Variants in OPCML observed in about 807,000 individuals in gnomAD.
OPCML encodes the protein opioid binding protein/cell adhesion molecule like.
A neutral mutation model predicts 37.8 loss-of-function variants in OPCML; 13 were observed. The ratio of observed to expected loss-of-function variants is 0.34; its 90% confidence interval spans 0.22 to 0.55. OPCML has a LOEUF of 0.55. Among genes scored for constraint, OPCML ranks in the 20% least tolerant of loss-of-function variants. The pLI is 0.91. For synonymous variants in OPCML, 176 were observed against 168.8 expected (o/e 1.04, Z -0.33); for missense variants, 341 against 435.6 (o/e 0.78, Z 1.93).
chr11:132,576,357 C>T (rs944638231), intron 3 of OPCML, among the ~76,000 whole-genome samples: 3 of 151,656 alleles, frequency 2.0e-5, no homozygotes, highest in Non-Finnish European at 4.4e-5. Flanking sequence ...TGAGTCATTT[C>T]CAATGACTTG....
At chr11:133,237,940 T>C (rs1175591384) in intron 1 of OPCML, among the ~76,000 whole-genome samples, 1 of 152,236 alleles carries the variant, frequency 6.6e-6, no homozygotes, top group Non-Finnish European at 1.5e-5. Flanking sequence ...CTTTATTGCG[T>C]TATTATTACA....
intron 1 of OPCML, among the ~76,000 whole-genome samples, chr11:133,504,680 G>C (rs1311185838): frequency 6.6e-6 from 1 of 152,196 alleles, no homozygotes; most frequent in Non-Finnish European, 1.5e-5. Flanking sequence ...GCCGTCAAAT[G>C]GGACTGGGTG....
At chr11:132,684,299 G>A (rs1433319888) in intron 2 of OPCML, among the ~76,000 whole-genome samples, 4 of 152,096 alleles carry the variant, frequency 2.6e-5, no homozygotes, top group Non-Finnish European at 4.4e-5. Flanking sequence ...CTTTGAGATA[G>A]GCAACTTTAT....
chr11:132,682,965 A>C (rs192295370), intron 2 of OPCML, among the ~76,000 whole-genome samples: 19 of 152,360 alleles, frequency 1.2e-4, no homozygotes, highest in African/African-American at 4.6e-4. Context: ...AATGTATTCA[A>C]GGCCAGTCAG....
chr11:132,744,438 C>T (rs150672733), intron 2 of OPCML, among the ~76,000 whole-genome samples: 17 of 152,308 alleles, frequency 1.1e-4, no homozygotes, highest in Non-Finnish European at 1.5e-4. Flanking sequence ...TTCAACTCAG[C>T]GCTTTCCTGA....
intron 2 of OPCML, among the ~76,000 whole-genome samples, chr11:132,899,090 T>C (rs1377610061): frequency 6.6e-6 from 1 of 152,088 alleles, no homozygotes; most frequent in Non-Finnish European, 1.5e-5. Context: ...ATGACCCAGA[T>C]TCCTCAGGAA....
At chr11:133,186,868 A>G (rs1429797625) in intron 1 of OPCML, among the ~76,000 whole-genome samples, 1 of 152,126 alleles carries the variant, frequency 6.6e-6, no homozygotes, top group Non-Finnish European at 1.5e-5. Context: ...CTGAGGCTGG[A>G]GGGAGTTAGA....
intron 1 of OPCML, among the ~76,000 whole-genome samples, chr11:133,381,266 G>A (rs547814691): frequency 2.0e-4 from 31 of 152,216 alleles, no homozygotes; most frequent in African/African-American, 4.6e-4. Flanking sequence ...AAACTGGCAG[G>A]GACACTGAGA....
chr11:132,545,053 T>C (rs2096365797), intron 3 of OPCML, among the ~76,000 whole-genome samples: 1 of 152,174 alleles, frequency 6.6e-6, no homozygotes, highest in Non-Finnish European at 1.5e-5. Context: ...CATTAAACAT[T>C]GTCTATTTTT....
intron 2 of OPCML, among the ~76,000 whole-genome samples, chr11:132,681,754 G>T (rs1942953293): frequency 6.6e-6 from 1 of 152,054 alleles, no homozygotes; most frequent in South Asian, 2.1e-4. Flanking sequence ...AGGAGATCGA[G>T]ACCATCCTGG....
chr11:133,472,971 C>A (rs1947150719), intron 1 of OPCML, among the ~76,000 whole-genome samples: 2 of 151,828 alleles, frequency 1.3e-5, no homozygotes, highest in African/African-American at 2.4e-5. Flanking sequence ...CACAGCTAAC[C>A]CAAAGGACAA....
Position 133,532,251 on chromosome 11 carries a change from C to A in OPCML, c.61+13G>T. On this transcript the variant is annotated intron_variant, in intron 1 of 7. Transcript: ENST00000524381. ...ACCCCAGGGAGAGAAAACACCCTTC[C>A]CCTGTACGGTACCTGGGATGAAGAG... 1 of 1,613,538 alleles carries A rather than the reference C, an allele frequency of 6.2e-7. No homozygotes were observed. The highest frequency in any genetic ancestry group is 8.5e-7 in the Non-Finnish European group (1 of 1,179,772).
chr11:133,477,649 A>G (rs994710886), intron 1 of OPCML, among the ~76,000 whole-genome samples: 2 of 152,188 alleles, frequency 1.3e-5, no homozygotes, highest in Admixed American at 1.3e-4. Flanking sequence ...GGGACCTGGG[A>G]TGTCCTTGGC....
rs180700926 is a variant in OPCML at position 133,084,873 on chromosome 11, T to A, written c.62-141863A>T. 2.6e-5 allele frequency among the ~76,000 whole-genome samples: 4 copies of A among 152,320 alleles called. No individual in the cohort carries two copies. The East Asian group carries it at 7.7e-4, about 29-fold the overall frequency. On this transcript the variant is annotated intron_variant, in intron 1 of 7. Coordinates refer to ENST00000524381, the MANE Select transcript of OPCML (RefSeq NM_001012393.5). ...CATCTACCATACAATATAGATTTAT[T>A]ATAAGAACCATGATATAAAAATACT...
At chr11:133,115,546 C>T (rs12575991) in intron 1 of OPCML, among the ~76,000 whole-genome samples, 18,596 of 151,930 alleles carry the variant, frequency 0.12, 1,216 homozygotes, top group East Asian at 0.23. Context: ...AGCTATATAA[C>T]ACTCAAAAAA....
intron 1 of OPCML, chr11:133,420,256 A>T: frequency 1.0e-6 from 1 of 985,402 alleles, no homozygotes; most frequent in Non-Finnish European, 1.2e-6. Flanking sequence ...TGCAATACTG[A>T]TCACAGATCC....
At chr11:132,481,701 G>C (rs1332133840) in intron 4 of OPCML, among the ~76,000 whole-genome samples, 2 of 149,770 alleles carry the variant, frequency 1.3e-5, no homozygotes, top group African/African-American at 4.9e-5. Flanking sequence ...TAAAAGAACA[G>C]AAATTATAAC....
chr11:132,960,811 G>C (rs1946076962), intron 1 of OPCML, among the ~76,000 whole-genome samples: 1 of 152,174 alleles, frequency 6.6e-6, no homozygotes. Context: ...TGGTGATTTG[G>C]TCTGACATCT....
At chr11:132,437,394 A>G in intron 4 of OPCML, 35 bp from the exon 5 acceptor site, 1 of 1,609,634 alleles carries the variant, frequency 6.2e-7, no homozygotes, top group Non-Finnish European at 8.5e-7. Context: ...AACAATCAGG[A>G]AACTGTGTAA....
Sources: gnomAD v4.1 joint callset for allele counts (sites outside exome capture counted in the v4.1 genomes callset) on GRCh38, gnomAD v4.1.1 for gene constraint, MANE v1.5 for transcripts, NCBI Gene and HGNC (gene_info 2026-07-23, HGNC 2026-07-21) for gene names.